Variants in SYNE1 observed in about 807,000 individuals in gnomAD.
SYNE1 encodes nesprin-1.
In SYNE1, 616 loss-of-function variants were observed where a neutral mutation model predicts 1,111.0. The observed-to-expected ratio is 0.55, with a 90% CI of 0.52 to 0.59. The LOEUF is 0.59. Among genes scored for constraint, SYNE1 ranks in the 20% least tolerant of loss-of-function variants. The pLI is 0.00. For missense variants in SYNE1, 10,006 were observed against 10,417.0 expected, an observed-to-expected ratio of 0.96 and a Z score of 1.72; for synonymous variants, 3,855 against 3,825.8, an observed-to-expected ratio of 1.01 and a Z score of -0.28.
At chr6:152,432,470 A>G (rs1220168384) in intron 34 of SYNE1, among the ~76,000 whole-genome samples, 1 of 152,144 alleles carries the variant, frequency 6.6e-6, no homozygotes, top group Non-Finnish European at 1.5e-5. Context: ...AGATAGTTTT[A>G]AAAATGCCTT....
At chr6:152,130,594 G>T in intron 145 of SYNE1, 126 bp downstream of exon 145, 1 of 891,970 alleles carries the variant, frequency 1.1e-6, no homozygotes, top group African/African-American at 1.6e-5. Flanking sequence ...GAAAGGGTGT[G>T]GACTGAAATG....
intron 127 of SYNE1, among the ~76,000 whole-genome samples, chr6:152,198,805 T>C (rs1008305843): frequency 2.0e-5 from 3 of 152,120 alleles, no homozygotes; most frequent in Non-Finnish European, 2.9e-5. Context: ...CTAATTACAA[T>C]AGCACCATCA....
intron 3 of SYNE1, among the ~76,000 whole-genome samples, chr6:152,602,623 A>G (rs78455245): frequency 0.058 from 8,758 of 152,258 alleles, 346 homozygotes; most frequent in East Asian, 0.14. Flanking sequence ...TTCTTCATTT[A>G]AACAAAATGC....
rs146515264 is a variant in SYNE1 at position 152,265,503 on chromosome 6, G to A, written c.18815+2553C>T. On this transcript the variant is annotated intron_variant, in intron 100 of 145. Transcript: ENST00000367255. Reference sequence around the variant, plus strand: ...TTTTAAAAAGCTTTGAAGTTCCTATGAGGTTAAATTTCTTTATTGCTTTTT... The same window carrying A: ...TTTTAAAAAGCTTTGAAGTTCCTATAAGGTTAAATTTCTTTATTGCTTTTT... Among the ~76,000 whole-genome samples, 15 of 152,128 alleles carry A rather than the reference G, an allele frequency of 9.9e-5. No individual in the cohort carries two copies. The East Asian group carries it at 2.7e-3, about 27-fold the overall frequency.
In SYNE1 at chr6:152,525,851, T is replaced by G. The variant is rs1264822075; in HGVS notation, c.225+229A>C. Reference sequence around the variant, plus strand: ...TCTTTACTCTTAATTGTAAGGTTGTTATTATAAACATAACATTTTAAATGC... The same window carrying G: ...TCTTTACTCTTAATTGTAAGGTTGTGATTATAAACATAACATTTTAAATGC... On this transcript the variant is annotated intron_variant, in intron 5 of 145. Coordinates refer to ENST00000367255, the MANE Select transcript of SYNE1 (RefSeq NM_182961.4). Among the ~76,000 whole-genome samples the G allele has an allele frequency of 2.0e-5, 3 of 152,218 alleles. No individual in the cohort carries two copies. In the East Asian group the frequency reaches 5.8e-4, roughly 29 times the overall value.
At chr6:152,248,390 G>A (rs149231251) in intron 105 of SYNE1, among the ~76,000 whole-genome samples, 207 of 151,554 alleles carry the variant, frequency 1.4e-3, no homozygotes, top group African/African-American at 4.9e-3. Context: ...ATTTAATTGT[G>A]ATTTATAACA....
chr6:152,527,849 G>T (rs1222923952), intron 4 of SYNE1, among the ~76,000 whole-genome samples: 1 of 152,184 alleles, frequency 6.6e-6, no homozygotes, highest in African/African-American at 2.4e-5. Context: ...ATACACAGGT[G>T]TCTGCCACTT....
At chr6:152,489,808 C>T (rs2098960671) in intron 11 of SYNE1, among the ~76,000 whole-genome samples, 2 of 152,014 alleles carry the variant, frequency 1.3e-5, no homozygotes, top group South Asian at 4.3e-4. Flanking sequence ...TTAGTACACA[C>T]TAGAAATCAT....
intron 100 of SYNE1, among the ~76,000 whole-genome samples, chr6:152,266,655 C>T (rs1387384156): frequency 1.3e-5 from 2 of 152,144 alleles, no homozygotes; most frequent in Non-Finnish European, 2.9e-5. Context: ...TATTCTTTTA[C>T]ATTGATATTT....
chr6:152,433,622 G>T (rs2098448864), intron 34 of SYNE1, 173 bp downstream of exon 34: 2 of 666,890 alleles, frequency 3.0e-6, no homozygotes, highest in South Asian at 2.0e-5. Flanking sequence ...AACTATAAAT[G>T]TTGCCCAGTA....
intron 112 of SYNE1, among the ~76,000 whole-genome samples, 198 bp downstream of exon 112, chr6:152,233,583 C>G (rs1474768648): frequency 6.6e-6 from 1 of 152,158 alleles, no homozygotes; most frequent in African/African-American, 2.4e-5. Context: ...CCTCAGCCTC[C>G]CTAAGTGCTA....
At chr6:152,615,463 A>G (rs1003805264) in intron 3 of SYNE1, among the ~76,000 whole-genome samples, 1 of 152,166 alleles carries the variant, frequency 6.6e-6, no homozygotes, top group East Asian at 1.9e-4. Flanking sequence ...AGGAGAACAA[A>G]ATATACAAAA....
chr6:152,141,222 A>G lies in SYNE1; in HGVS notation c.25227T>C (p.Ser8409=). The change falls in exon 139 of 146, where the codon AGT becomes AGC. Residue 8409 remains serine, a synonymous_variant. Coordinates refer to ENST00000367255, the MANE Select transcript of SYNE1 (RefSeq NM_182961.4). ...ACTCACCAGCCGTTTGGGTTTCGGT[A>G]CTATGCAGGTTAACAAAGCCAGGAA... ...ESLPGFVNLH[S]TETQTAGVID... is the part of the protein sequence containing the mutation. 1 of 1,614,166 alleles carries G rather than the reference A, an allele frequency of 6.2e-7. No individual in the cohort carries two copies. The highest frequency in any genetic ancestry group is 8.5e-7 in the Non-Finnish European group (1 of 1,180,016).
intron 2 of SYNE1, among the ~76,000 whole-genome samples, chr6:152,630,757 A>G (rs1467920877): frequency 6.6e-6 from 1 of 152,228 alleles, no homozygotes; most frequent in Non-Finnish European, 1.5e-5. Flanking sequence ...CAGATGATTA[A>G]CACACAGTCC....
chr6:152,312,467 A>G (rs1458565853), intron 87 of SYNE1, among the ~76,000 whole-genome samples: 1 of 151,022 alleles, frequency 6.6e-6, no homozygotes, highest in African/African-American at 2.4e-5. Flanking sequence ...TCGGTCCCCC[A>G]AAGTGCTGGG....
chr6:152,453,307 T>G (rs1373905618), intron 25 of SYNE1: 7 of 595,084 alleles, frequency 1.2e-5, no homozygotes, highest in African/African-American at 1.9e-5. Context: ...CTAGAATAAG[T>G]TAAATGTTCT....
chr6:152,322,525 C>T (rs1245454062), intron 82 of SYNE1, among the ~76,000 whole-genome samples: 2 of 152,168 alleles, frequency 1.3e-5, no homozygotes, highest in African/African-American at 2.4e-5. Flanking sequence ...TTAACTTGCT[C>T]TTTCTACTAA....
chr6:152,483,392 T>C (rs1478180387), intron 13 of SYNE1, 143 bp from the exon 14 acceptor site: 1 of 786,030 alleles, frequency 1.3e-6, no homozygotes, highest in African/African-American at 1.7e-5. Context: ...TAAGCAAATG[T>C]CTGTGTTCTG....
At chr6:152,458,610 A>T in intron 22 of SYNE1, 147 bp downstream of exon 22, 1 of 789,680 alleles carries the variant, frequency 1.3e-6, no homozygotes, top group Non-Finnish European at 2.0e-6. Context: ...TCATCTTTGG[A>T]CAAGACATGT....
Sources: gnomAD v4.1 joint callset for allele counts (sites outside exome capture counted in the v4.1 genomes callset) on GRCh38, gnomAD v4.1.1 for gene constraint, MANE v1.5 for transcripts, NCBI Gene and HGNC (gene_info 2026-07-23, HGNC 2026-07-21) for gene names.